TSGA10: variants seen among roughly 807,000 people sequenced by gnomAD.
TSGA10 encodes the protein testis specific 10.
A neutral mutation model predicts 96.6 loss-of-function variants in TSGA10; 43 were observed. The ratio of observed to expected loss-of-function variants is 0.44; its 90% confidence interval spans 0.35 to 0.57. The LOEUF is 0.57. Ranked by LOEUF, TSGA10 falls within the 20% of genes least tolerant of loss-of-function variation. The pLI is 0.01. For missense variants in TSGA10, 703 were observed against 834.4 expected, an observed-to-expected ratio of 0.84 and a Z score of 1.94; for synonymous variants, 229 against 269.9, an observed-to-expected ratio of 0.85 and a Z score of 1.48.
At chr2:99,127,892 T>G (rs2092911390) in intron 1 of TSGA10, among the ~76,000 whole-genome samples, 1 of 152,214 alleles carries the variant, frequency 6.6e-6, no homozygotes, top group Non-Finnish European at 1.5e-5. Flanking sequence ...TCTAGAAATT[T>G]ATACTACAGC....
chr2:99,001,102 A>G (rs2077863440), intron 20 of TSGA10, among the ~76,000 whole-genome samples: 1 of 152,228 alleles, frequency 6.6e-6, no homozygotes, highest in Admixed American at 6.5e-5. Context: ...TCCCTGTCTG[A>G]CAGCTTTGAA....
chr2:99,009,526 C>T lies in TSGA10; in HGVS notation c.2072+8674G>A, dbSNP rs374815578. ...GGCGGAGCTTGCAGTGAGCCGAGAT[C>T]GCACCACTGCACTCCAGCCTGGGTG... On this transcript the variant is annotated intron_variant, in intron 20 of 20. Transcript: ENST00000393483. Among the ~76,000 whole-genome samples the T allele has an allele frequency of 4.0e-3, 550 of 138,236 alleles. 5 individuals are homozygous for T. The highest frequency in any genetic ancestry group is 0.014 in the African/African-American group (520 of 35,898). The allele number at this position is 138,236 out of a possible 152,430, so 90.7% of individuals were successfully genotyped here.
At position 99,113,866 on chromosome 2, in the gene TSGA10, C is replaced by T. The variant is rs558008196; in HGVS notation, c.-139-2951G>A. ...CTGGCCATCATCTTGATAACAATTT[C>T]CTGAGAAACAGTGAACCAGAACAAC... On this transcript the variant is annotated intron_variant, in intron 4 of 20. Coordinates refer to ENST00000393483, the MANE Select transcript of TSGA10 (RefSeq NM_025244.4). 2.0e-5 allele frequency among the ~76,000 whole-genome samples: 3 copies of T among 152,018 alleles called. No individual in the cohort carries two copies. In the South Asian group the frequency reaches 6.2e-4, roughly 32 times the overall value.
chr2:99,056,268 TC>T (rs1421168353), intron 16 of TSGA10, among the ~76,000 whole-genome samples: 2 of 151,362 alleles, frequency 1.3e-5, no homozygotes, highest in African/African-American at 4.9e-5. Context: ...TCTGAAAAGA[TC>T]AACTAAATTG....
chr2:99,104,078 A>G lies in TSGA10; in HGVS notation c.500T>C (p.Leu167Ser), dbSNP rs2091067486. ...CACAGTGCTTATGGTTTCCTTCATCAAAGTCATATTTGACATTTGCTCCAT... is the reference window on the plus strand; with the variant it reads ...CACAGTGCTTATGGTTTCCTTCATCGAAGTCATATTTGACATTTGCTCCAT... Reference protein sequence around the residue: ...ERMEQMSNMTLMKETISTVEK... With the variant: ...ERMEQMSNMTSMKETISTVEK... Residue 167 changes from leucine to serine, a missense_variant, in exon 10 of 21, where the codon TTG becomes TCG. By Grantham distance (145) the Leu-to-Ser change is moderately radical. Transcript: ENST00000393483. The G allele has an allele frequency of 6.2e-7, 1 of 1,613,852 alleles. No individual in the cohort carries two copies. Among genetic ancestry groups the G allele is most frequent in the Non-Finnish European group, 8.5e-7 (1 of 1,179,990 alleles).
At chr2:99,140,454 A>T (rs1176363104) in intron 1 of TSGA10, among the ~76,000 whole-genome samples, 1 of 152,008 alleles carries the variant, frequency 6.6e-6, no homozygotes, top group Non-Finnish European at 1.5e-5. Context: ...GGGACACTAT[A>T]ATCTATGCAA....
intron 7 of TSGA10, among the ~76,000 whole-genome samples, chr2:99,106,102 G>A (rs1395740591): frequency 6.6e-6 from 1 of 152,090 alleles, no homozygotes; most frequent in Non-Finnish European, 1.5e-5. Flanking sequence ...CCATTCCTAT[G>A]TCTTGGCTAC....
chr2:99,019,789 G>T (rs918326367), intron 18 of TSGA10, among the ~76,000 whole-genome samples: 1 of 152,172 alleles, frequency 6.6e-6, no homozygotes, highest in African/African-American at 2.4e-5. Flanking sequence ...GGTGCTAGGA[G>T]TGCTAGAGAT....
chr2:99,087,234 C>A (rs373693735), intron 10 of TSGA10, among the ~76,000 whole-genome samples: 20 of 151,510 alleles, frequency 1.3e-4, no homozygotes, highest in Middle Eastern at 3.4e-3. Flanking sequence ...AGGCCAGGCA[C>A]GGTAGCTAAT....
At chr2:99,034,160 C>G (rs2081388564) in intron 17 of TSGA10, among the ~76,000 whole-genome samples, 1 of 152,044 alleles carries the variant, frequency 6.6e-6, no homozygotes, top group East Asian at 1.9e-4. Flanking sequence ...TTTGAGACAA[C>G]TTCAAATCTC....
At chr2:99,007,524 C>T (rs77057326) in intron 20 of TSGA10, among the ~76,000 whole-genome samples, 8,242 of 152,148 alleles carry the variant, frequency 0.054, 419 homozygotes, top group East Asian at 0.21. Flanking sequence ...GAAAAGGACA[C>T]TTTATAAAAG....
chr2:99,074,064 G>A (rs2086358439), intron 12 of TSGA10, among the ~76,000 whole-genome samples: 2 of 125,600 alleles, frequency 1.6e-5, no homozygotes, highest in South Asian at 5.2e-4. Context: ...CCCGGCTGGA[G>A]TGCGAGGGCG....
intron 20 of TSGA10, 142 bp from the exon 21 acceptor site, chr2:98,998,363 T>C (rs1158889487): frequency 4.5e-6 from 3 of 668,698 alleles, no homozygotes; most frequent in East Asian, 2.8e-5. Flanking sequence ...AAAAACAATA[T>C]ATTTTTTCAC....
intron 17 of TSGA10, among the ~76,000 whole-genome samples, chr2:99,024,595 AAC>A (rs1249714759): frequency 7.9e-5 from 12 of 152,148 alleles, no homozygotes; most frequent in Admixed American, 1.3e-4. Flanking sequence ...GTCACCTGCG[AAC>A]AGAGATAGTT....
Position 99,109,385 on chromosome 2 carries a change from C to T in TSGA10, c.51+4G>A, listed in dbSNP as rs776902427. 3 of 1,613,750 alleles carry T rather than the reference C, an allele frequency of 1.9e-6. No individual in the cohort carries two copies. In the South Asian group the frequency reaches 3.3e-5, roughly 18 times the overall value. On this transcript the variant is annotated splice_donor_region_variant and intron_variant, in intron 6 of 20. Coordinates refer to ENST00000393483, the MANE Select transcript of TSGA10 (RefSeq NM_025244.4). ...CAAAATATTTGTAAGTTTATAAAACCTACCCGGGCAGTTGGTGATGGGCGT... is the reference window on the plus strand; with the variant it reads ...CAAAATATTTGTAAGTTTATAAAACTTACCCGGGCAGTTGGTGATGGGCGT...
At chr2:99,150,874 T>G (rs1280529582) in intron 1 of TSGA10, 1 of 1,359,120 alleles carries the variant, frequency 7.4e-7, no homozygotes, top group East Asian at 2.3e-5. Flanking sequence ...AAAAACTGCC[T>G]TTGACTAAGG....
At chr2:99,140,017 G>C (rs2093471890) in intron 1 of TSGA10, among the ~76,000 whole-genome samples, 1 of 152,124 alleles carries the variant, frequency 6.6e-6, no homozygotes, top group African/African-American at 2.4e-5. Flanking sequence ...AGACAGAAAA[G>C]ATCTCCCAGA....
chr2:99,072,082 A>G (rs2086042662), intron 13 of TSGA10, among the ~76,000 whole-genome samples: 1 of 152,252 alleles, frequency 6.6e-6, no homozygotes, highest in Non-Finnish European at 1.5e-5. Context: ...GATACAAAGT[A>G]TACATAATAG....
In TSGA10 at chr2:99,105,341, CTTTTTTT is replaced by C; in HGVS notation, c.459+11_459+17del. ...GTGTTTATAGCCAAAAGAGACTTTT[CTTTTTTT>C]TTTTTTTTACATTATGAACTGTACA... On this transcript the variant is annotated intron_variant, in intron 9 of 20. Transcript: ENST00000393483. The C allele has an allele frequency of 6.8e-7, 1 of 1,460,358 alleles. No individual in the cohort carries two copies. 90.5% of individuals were successfully genotyped at this position (1,460,358 alleles called of 1,614,324 possible).
Sources: gnomAD v4.1 joint callset for allele counts (sites outside exome capture counted in the v4.1 genomes callset) on GRCh38, gnomAD v4.1.1 for gene constraint, MANE v1.5 for transcripts, NCBI Gene and HGNC (gene_info 2026-07-23, HGNC 2026-07-21) for gene names.